The following NCOR2 variants were observed in gnomAD, a reference collection of about 807,000 sequenced individuals.
NCOR2 encodes the protein nuclear receptor corepressor 2.
A neutral mutation model predicts 262.9 loss-of-function variants in NCOR2; 81 were observed. The ratio of observed to expected loss-of-function variants is 0.31; its 90% CI spans 0.26 to 0.37. NCOR2 has a LOEUF of 0.37. NCOR2 is among the 10% of genes least tolerant of loss of function. NCOR2 has a pLI of 1.00. For synonymous variants in NCOR2, 1,659 were observed against 1,559.3 expected (o/e 1.06, Z -1.51); for missense variants, 3,385 against 3,621.4 (o/e 0.93, Z 1.68).
At chr12:124,354,038 G>C in intron 27 of NCOR2, 55 bp downstream of exon 29, 1 of 1,491,214 alleles carries the variant, frequency 6.7e-7, no homozygotes, top group East Asian at 2.4e-5. Flanking sequence ...TTATAAGATG[G>C]GCTGGCCCCG....
intron 16 of NCOR2, among the ~76,000 whole-genome samples, chr12:124,386,119 A>T (rs1361528788): frequency 6.6e-6 from 1 of 151,766 alleles, no homozygotes; most frequent in African/African-American, 2.4e-5. Flanking sequence ...CAGTCACTTG[A>T]CTCCAGGCCA....
intron 13 of NCOR2, 132 bp downstream of exon 15, chr12:124,419,825 C>T (rs1053809051): frequency 1.2e-6 from 1 of 806,020 alleles, no homozygotes; most frequent in Non-Finnish European, 2.1e-6. Context: ...TGCACTCACA[C>T]TGCCGGTGGC....
intron 40 of NCOR2, 52 bp from the exon 43 acceptor site, chr12:124,334,669 C>T (rs144931545): frequency 1.0e-6 from 1 of 974,980 alleles, no homozygotes; most frequent in African/African-American, 1.7e-5. Flanking sequence ...CTGACAGAAC[C>T]TTCTGGGGGT....
intron 7 of NCOR2, among the ~76,000 whole-genome samples, chr12:124,442,408 G>C (rs11057625): frequency 0.098 from 14,870 of 152,270 alleles, 933 homozygotes; most frequent in East Asian, 0.19. Flanking sequence ...CCAAAGTGCT[G>C]GGATGACAGG....
intron 8 of NCOR2, among the ~76,000 whole-genome samples, chr12:124,434,800 A>AT (rs1477139828): frequency 6.6e-6 from 1 of 152,204 alleles, no homozygotes; most frequent in African/African-American, 2.4e-5. Context: ...CTCTGCACCT[A>AT]TTTTCCAATA....
At chr12:124,343,045 G>A (rs781421215) in exon 33 of NCOR2, 28 of 1,611,944 alleles carry the variant, frequency 1.7e-5, no homozygotes, top group South Asian at 3.3e-5. Flanking sequence ...AGGTGGGGTC[G>A]AAGGCCAGGG....
chr12:124,363,466 C>T (rs999171085), intron 21 of NCOR2, among the ~76,000 whole-genome samples: 2 of 152,194 alleles, frequency 1.3e-5, no homozygotes, highest in Non-Finnish European at 2.9e-5. Flanking sequence ...GGCCTTAGGC[C>T]GCCAGTTCCC....
Position 124,483,507 on chromosome 12 carries a change from T to G in NCOR2, c.411+89A>C. 7.9e-7 allele frequency: 1 copy of G among 1,261,274 alleles called. No homozygotes were observed. 78.1% of individuals were successfully genotyped at this position (1,261,274 alleles called of 1,614,324 possible). A position where few individuals can be genotyped will look rare whatever the true frequency, so the allele number is the denominator to read the frequency against. ...GCCTTTGCCCGAGCTGCCCCCTCCC[T>G]GCACCCCTACCCACCACCTCCCACC... On this transcript the variant is annotated intron_variant, in intron 3 of 46. Coordinates refer to ENST00000405201, the Ensembl canonical transcript of NCOR2. This position sits in a 1 kb window ranked among gnomAD's most constrained non-coding sequence, Gnocchi z 6.3.
chr12:124,534,641 A>G (rs1196050385), intron 1 of NCOR2, among the ~76,000 whole-genome samples: 1 of 152,198 alleles, frequency 6.6e-6, no homozygotes, highest in Admixed American at 6.5e-5. Context: ...CTCCATGCGC[A>G]CGAGCCCTGC....
Position 124,378,283 on chromosome 12 carries a change from C to G in NCOR2, c.2121G>C (p.Ala707=). The G allele has an allele frequency of 6.2e-7, 1 of 1,614,028 alleles. No homozygotes were observed. Among genetic ancestry groups the G allele is most frequent in the Non-Finnish European group, 8.5e-7 (1 of 1,179,910 alleles). Residue 707 remains alanine (A), a synonymous_variant, in exon 18 of 47, where the codon GCG becomes GCC. Coordinates refer to ENST00000405201, the Ensembl canonical transcript of NCOR2. This position sits in a 1 kb window ranked among gnomAD's most constrained non-coding sequence, Gnocchi z 4.2. ...CCTCCTCATTTCCGCTCACGCCCGA[C>G]GCCTCCATCTCCTCATCCTCCACCA...
rs902561121 is a variant in NCOR2, at chr12:124,432,862, G to A, written c.883-2075C>T. On this transcript the variant is annotated intron_variant, in intron 8 of 46. Transcript: ENST00000405201. The surrounding 1 kb of genome is among the most constrained non-coding windows in gnomAD (Gnocchi z 5.1). ...AGGTGACTTGAGCAAGTGGCGGCGGGGGGCGGGGGGTGGGGGCGGGGAAGG... is the reference window on the plus strand; with the variant it reads ...AGGTGACTTGAGCAAGTGGCGGCGGAGGGCGGGGGGTGGGGGCGGGGAAGG... Among the ~76,000 whole-genome samples the A allele has an allele frequency of 2.6e-5, 4 of 150,966 alleles. No homozygotes were observed. Among genetic ancestry groups the A allele is most frequent in the African/African-American group, 7.3e-5 (3 of 41,158 alleles).
intron 45 of NCOR2, among the ~76,000 whole-genome samples, chr12:124,326,993 T>C (rs1241111137): frequency 6.6e-6 from 1 of 152,218 alleles, no homozygotes; most frequent in Non-Finnish European, 1.5e-5. Flanking sequence ...ATAGTGGGCC[T>C]GGCAGATGCT....
intron 4 of NCOR2, among the ~76,000 whole-genome samples, chr12:124,468,119 C>T (rs1380076461): frequency 1.8e-5 from 1 of 56,128 alleles, no homozygotes. Context: ...ATCCTCATCA[C>T]CCCTTCATCC....
chr12:124,508,501 G>C (rs2137002559), intron 1 of NCOR2, among the ~76,000 whole-genome samples: 1 of 152,338 alleles, frequency 6.6e-6, no homozygotes, highest in East Asian at 1.9e-4. Flanking sequence ...CCAAGACCCT[G>C]CCGGAACACA....
chr12:124,467,765 C>T (rs1458991571), intron 4 of NCOR2, among the ~76,000 whole-genome samples: 15 of 100,284 alleles, frequency 1.5e-4, no homozygotes, highest in Non-Finnish European at 2.6e-4. Flanking sequence ...TTCATCACCC[C>T]CATCACCCTC....
intron 1 of NCOR2, among the ~76,000 whole-genome samples, chr12:124,515,630 C>T (rs2049698941): frequency 7.0e-6 from 1 of 142,516 alleles, no homozygotes; most frequent in East Asian, 2.1e-4. Context: ...GGTGTGTGTG[C>T]ACGACTGTGA....
Position 124,330,906 on chromosome 12 carries a change from C to A in NCOR2, c.6905-8G>T. On this transcript the variant is annotated splice_region_variant and splice_polypyrimidine_tract_variant and intron_variant, in intron 43 of 46. Transcript: ENST00000405201. ...TCCCAGGCTGGCTGATATCTGGAAG[C>A]GGGTGACAGAGTGGGTGAGGCCCCC... is the stretch of plus-strand genomic sequence containing the variant. The A allele has an allele frequency of 6.3e-7, 1 of 1,577,342 alleles. No individual in the cohort carries two copies. The highest frequency in any genetic ancestry group is 8.6e-7 in the Non-Finnish European group (1 of 1,161,210).
intron 1 of NCOR2, among the ~76,000 whole-genome samples, chr12:124,560,776 C>A (rs142347765): frequency 6.6e-6 from 1 of 152,090 alleles, no homozygotes; most frequent in Admixed American, 6.5e-5. Flanking sequence ...GAGACTTTTA[C>A]GCAATGTGTT....
At position 124,483,471 on chromosome 12, in the gene NCOR2, C is replaced by T. The variant is rs912250626; in HGVS notation, c.411+125G>A. The T allele has an allele frequency of 8.3e-6, 9 of 1,083,792 alleles. No homozygotes were observed. Among genetic ancestry groups the T allele is most frequent in the Non-Finnish European group, 5.1e-6 (4 of 787,504 alleles). 67.1% of individuals were successfully genotyped at this position (1,083,792 alleles called of 1,614,324 possible). ...CCAGCTCTGTGCACCCGGTGCTTGG[C>T]CCACCTCCAAGCCTTTGCCCGAGCT... On this transcript the variant is annotated intron_variant, in intron 3 of 46. Coordinates refer to ENST00000405201, the Ensembl canonical transcript of NCOR2. This position sits in a 1 kb window ranked among gnomAD's most constrained non-coding sequence, Gnocchi z 6.3.
Sources: gnomAD v4.1 joint callset for allele counts (sites outside exome capture counted in the v4.1 genomes callset) on GRCh38, gnomAD v4.1.1 for gene constraint, Gnocchi (gnomAD v3.1) non-coding constraint, MANE v1.5 for transcripts, NCBI Gene and HGNC (gene_info 2026-07-23, HGNC 2026-07-21) for gene names.